Variants in SHISA9 observed in about 807,000 individuals in gnomAD.
SHISA9 encodes the protein shisa family member 9.
A neutral mutation model predicts 38.0 loss-of-function variants in SHISA9; 13 were observed. That is an observed-to-expected ratio of 0.34 (90% CI 0.22 to 0.54). The LOEUF is 0.54. SHISA9 is among the 20% of genes least tolerant of loss of function. The pLI is 0.91. For synonymous variants in SHISA9, 275 were observed against 242.0 expected, an observed-to-expected ratio of 1.14 and a Z score of -1.27; for missense variants, 538 against 575.8, an observed-to-expected ratio of 0.93 and a Z score of 0.67.
At chr16:13,412,404 C>G in the SHISA9 span, among the ~76,000 whole-genome samples, 1 of 152,096 alleles carries the variant, frequency 6.6e-6, no homozygotes, top group Non-Finnish European at 1.5e-5. Context: ...TTCATACCAT[C>G]TCTTCAATTC....
At chr16:13,076,373 G>C (rs954257043) in intron 2 of SHISA9, among the ~76,000 whole-genome samples, 1 of 152,140 alleles carries the variant, frequency 6.6e-6, no homozygotes, top group East Asian at 1.9e-4. Context: ...CTCTGCCTCT[G>C]CAAATATTCT....
At chr16:13,226,751 C>G (rs772821801) in intron 4 of SHISA9, among the ~76,000 whole-genome samples, 1 of 152,160 alleles carries the variant, frequency 6.6e-6, no homozygotes, top group Non-Finnish European at 1.5e-5. Flanking sequence ...GATGGCCTCA[C>G]TGAACATACT....
At chr16:13,356,010 G>C in the SHISA9 span, among the ~76,000 whole-genome samples, 1 of 152,180 alleles carries the variant, frequency 6.6e-6, no homozygotes, top group Non-Finnish European at 1.5e-5. Flanking sequence ...TGGCCCAGTG[G>C]CCAGATTTCT....
intron 2 of SHISA9, among the ~76,000 whole-genome samples, chr16:13,142,546 A>G (rs376033287): frequency 4.6e-5 from 7 of 152,296 alleles, no homozygotes; most frequent in Admixed American, 1.3e-4. Context: ...GTCTTCATAT[A>G]GAGTTGTCTG....
chr16:13,521,673 C>T, the SHISA9 span, among the ~76,000 whole-genome samples: 1 of 152,196 alleles, frequency 6.6e-6, no homozygotes, highest in Admixed American at 6.5e-5. Context: ...AATCCTAATA[C>T]ATAACCAAGG....
the SHISA9 span, among the ~76,000 whole-genome samples, chr16:13,320,293 A>AG: frequency 2.3e-5 from 1 of 43,910 alleles, no homozygotes; most frequent in Non-Finnish European, 4.1e-5. Context: ...ACTCTGTCTC[A>AG]AAAAAAAAAA....
At chr16:13,268,760 A>T in the SHISA9 span, among the ~76,000 whole-genome samples, 1 of 152,168 alleles carries the variant, frequency 6.6e-6, no homozygotes, top group South Asian at 2.1e-4. Context: ...TTTCATTTTA[A>T]AAAATCAACA....
chr16:12,919,266 A>G (rs2071297988), intron 2 of SHISA9, among the ~76,000 whole-genome samples: 1 of 152,232 alleles, frequency 6.6e-6, no homozygotes, highest in Non-Finnish European at 1.5e-5. Flanking sequence ...CCCATTTAAT[A>G]TAAAACCCTT....
chr16:12,948,654 G>A (rs536213637), intron 2 of SHISA9, among the ~76,000 whole-genome samples: 47 of 152,096 alleles, frequency 3.1e-4, no homozygotes, highest in Non-Finnish European at 6.3e-4. Context: ...AAGCTCCCTA[G>A]GATCTGTCTC....
At chr16:13,515,580 G>C in the SHISA9 span, among the ~76,000 whole-genome samples, 4 of 152,072 alleles carry the variant, frequency 2.6e-5, no homozygotes, top group East Asian at 7.7e-4. Flanking sequence ...CAAAGTCCTT[G>C]CCTCTCAAAC....
the SHISA9 span, among the ~76,000 whole-genome samples, chr16:13,302,954 A>G: frequency 6.6e-6 from 1 of 152,136 alleles, no homozygotes; most frequent in South Asian, 2.1e-4. Flanking sequence ...GACGTGTATA[A>G]TTATAAGTTT....
intron 4 of SHISA9, 36 bp from the exon 5 acceptor site, chr16:13,234,994 T>C: frequency 6.6e-7 from 1 of 1,506,188 alleles, no homozygotes; most frequent in Non-Finnish European, 8.9e-7. Context: ...CTCTTCTCTT[T>C]CTTCCCCTTC....
the SHISA9 span, among the ~76,000 whole-genome samples, chr16:13,303,184 A>T: frequency 1.3e-5 from 2 of 152,202 alleles, no homozygotes; most frequent in African/African-American, 4.8e-5. Context: ...GTTCCTCAAA[A>T]AGTCAAACAT....
chr16:12,984,847 G>A (rs1380233924), intron 2 of SHISA9, among the ~76,000 whole-genome samples: 1 of 152,142 alleles, frequency 6.6e-6, no homozygotes, highest in African/African-American at 2.4e-5. Flanking sequence ...GAGTAAGTCT[G>A]TACGGCCTGA....
chr16:13,181,270 T>TAC (rs2050775077), intron 2 of SHISA9, among the ~76,000 whole-genome samples: 2 of 33,254 alleles, frequency 6.0e-5, no homozygotes. Context: ...TAAAATTTTA[T>TAC]ATATATATAT....
intron 1 of SHISA9, among the ~76,000 whole-genome samples, 199 bp from the exon 2 acceptor site, chr16:12,916,489 G>T (rs948836465): frequency 6.6e-6 from 1 of 152,138 alleles, no homozygotes; most frequent in Non-Finnish European, 1.5e-5. Flanking sequence ...ATATGCAGTA[G>T]CCTGCGTAAA....
chr16:13,488,760 A>T, the SHISA9 span, among the ~76,000 whole-genome samples: 4 of 152,052 alleles, frequency 2.6e-5, no homozygotes, highest in African/African-American at 9.7e-5. Flanking sequence ...TTTATTTTTA[A>T]TTTTAATTTT....
chr16:13,258,404 A>G, the SHISA9 span: 1 of 152,240 alleles, frequency 6.6e-6, no homozygotes, highest in Non-Finnish European at 1.5e-5. Flanking sequence ...GAAGACTAGA[A>G]ATAAGTTGGT....
At chr16:13,108,597 G>A (rs999885230) in intron 2 of SHISA9, among the ~76,000 whole-genome samples, 4 of 151,970 alleles carry the variant, frequency 2.6e-5, no homozygotes, top group South Asian at 2.1e-4. Flanking sequence ...AAAACCAACC[G>A]TTACCTCAAG....
Sources: gnomAD v4.1 joint callset for allele counts (sites outside exome capture counted in the v4.1 genomes callset) on GRCh38, gnomAD v4.1.1 for gene constraint, MANE v1.5 for transcripts, NCBI Gene and HGNC (gene_info 2026-07-23, HGNC 2026-07-21) for gene names.